UNC5D: variants seen among roughly 807,000 people sequenced by gnomAD.
UNC5D encodes the protein unc-5 netrin receptor D.
Under a neutral mutation model 105.4 loss-of-function variants are expected in UNC5D, and 39 were observed. The observed-to-expected ratio is 0.37, with a 90% CI of 0.29 to 0.48. The LOEUF is 0.48. Ranked by LOEUF, UNC5D falls within the 20% of genes least tolerant of loss-of-function variation. The pLI, the probability that UNC5D is intolerant of heterozygous loss-of-function variation, is 0.98. For synonymous variants in UNC5D, 452 were observed against 450.4 expected, an observed-to-expected ratio of 1.00 and a Z score of -0.04; for missense variants, 991 against 1,202.4, an observed-to-expected ratio of 0.82 and a Z score of 2.60.
At chr8:35,761,808 A>G (rs1173133398) in intron 14 of UNC5D, among the ~76,000 whole-genome samples, 1 of 151,980 alleles carries the variant, frequency 6.6e-6, no homozygotes, top group Non-Finnish European at 1.5e-5. Context: ...TGGCTTAATG[A>G]CCATGCTGTG....
chr8:35,488,007 C>T (rs1810947196), intron 1 of UNC5D, among the ~76,000 whole-genome samples: 1 of 152,126 alleles, frequency 6.6e-6, no homozygotes, highest in Admixed American at 6.6e-5. Context: ...TCTGGTTTCT[C>T]CTTACTGCTT....
chr8:35,643,897 A>C (rs1822900078), intron 4 of UNC5D, among the ~76,000 whole-genome samples: 1 of 152,162 alleles, frequency 6.6e-6, no homozygotes, highest in Non-Finnish European at 1.5e-5. Flanking sequence ...CATCAGTCTC[A>C]GGGCCTGAGA....
chr8:35,405,098 T>C (rs1804719485), intron 1 of UNC5D, among the ~76,000 whole-genome samples: 1 of 152,190 alleles, frequency 6.6e-6, no homozygotes, highest in African/African-American at 2.4e-5. Context: ...AAACAATATG[T>C]GAGCAAAGAG....
chr8:35,656,443 A>G (rs192457696), intron 4 of UNC5D, among the ~76,000 whole-genome samples: 1 of 152,304 alleles, frequency 6.6e-6, no homozygotes, highest in East Asian at 1.9e-4. Context: ...CAAACACTTG[A>G]ATTCTGTAGA....
intron 1 of UNC5D, among the ~76,000 whole-genome samples, chr8:35,475,723 T>G (rs1810041998): frequency 6.6e-6 from 1 of 152,184 alleles, no homozygotes; most frequent in Non-Finnish European, 1.5e-5. Context: ...GGATCCAAAT[T>G]TTTTGTTTTG....
intron 2 of UNC5D, among the ~76,000 whole-genome samples, chr8:35,560,409 G>A (rs1011022438): frequency 1.3e-5 from 2 of 152,152 alleles, no homozygotes; most frequent in Non-Finnish European, 2.9e-5. Context: ...TCACGTATAT[G>A]TATGCATATA....
At chr8:35,378,269 A>G (rs926679043) in intron 1 of UNC5D, among the ~76,000 whole-genome samples, 3 of 152,148 alleles carry the variant, frequency 2.0e-5, no homozygotes, top group African/African-American at 7.2e-5. Flanking sequence ...TTCTGCTAAA[A>G]CAGAAAATTT....
At chr8:35,600,715 G>C (rs1237734034) in intron 4 of UNC5D, among the ~76,000 whole-genome samples, 1 of 152,152 alleles carries the variant, frequency 6.6e-6, no homozygotes, top group African/African-American at 2.4e-5. Flanking sequence ...TGTCAGATGA[G>C]TAGGTTGCAA....
At chr8:35,719,409 G>A (rs1211468957) in intron 8 of UNC5D, among the ~76,000 whole-genome samples, 1 of 152,168 alleles carries the variant, frequency 6.6e-6, no homozygotes, top group African/African-American at 2.4e-5. Flanking sequence ...CAACCAGGTA[G>A]ATCGAAGAGA....
chr8:35,500,945 TAGG>T (rs34532946), intron 1 of UNC5D, among the ~76,000 whole-genome samples: 24,531 of 150,292 alleles, frequency 0.16, 2,731 homozygotes, highest in African/African-American at 0.29. Context: ...TCAAAGGAAA[TAGG>T]AGGAAAGTAG....
At chr8:35,297,181 C>T (rs1271457561) in intron 1 of UNC5D, among the ~76,000 whole-genome samples, 3 of 152,010 alleles carry the variant, frequency 2.0e-5, no homozygotes, top group Non-Finnish European at 4.4e-5. Context: ...TTTTTCCTGA[C>T]ACCTCCCTCA....
intron 1 of UNC5D, among the ~76,000 whole-genome samples, chr8:35,276,472 G>A (rs1301643034): frequency 6.6e-6 from 1 of 152,206 alleles, no homozygotes; most frequent in Non-Finnish European, 1.5e-5. Flanking sequence ...GCATTTGTCA[G>A]TGTACTTCAG....
intron 4 of UNC5D, among the ~76,000 whole-genome samples, chr8:35,666,280 A>G (rs1361693196): frequency 6.6e-6 from 1 of 152,172 alleles, no homozygotes; most frequent in South Asian, 2.1e-4. Flanking sequence ...TCAAATAACA[A>G]TGAAGGATCG....
intron 8 of UNC5D, 98 bp downstream of exon 8, chr8:35,706,059 A>G: frequency 1.2e-6 from 1 of 821,510 alleles, no homozygotes; most frequent in Non-Finnish European, 1.8e-6. Flanking sequence ...AGTTCCTATG[A>G]AAGATCCAGG....
chr8:35,359,696 C>A (rs1413507489), intron 1 of UNC5D, among the ~76,000 whole-genome samples: 2 of 152,140 alleles, frequency 1.3e-5, no homozygotes, highest in Non-Finnish European at 2.9e-5. Flanking sequence ...GTAGTTTATT[C>A]AAACTAAATT....
intron 3 of UNC5D, among the ~76,000 whole-genome samples, chr8:35,569,428 A>G (rs903107476): frequency 2.0e-5 from 3 of 152,214 alleles, no homozygotes; most frequent in Admixed American, 1.3e-4. Context: ...GAGATTAATA[A>G]TAGGAGTGAA....
At chr8:35,397,725 T>A (rs938494757) in intron 1 of UNC5D, among the ~76,000 whole-genome samples, 1 of 152,164 alleles carries the variant, frequency 6.6e-6, no homozygotes. Context: ...TTCAAGCCAC[T>A]CTCGTTTGTA....
intron 3 of UNC5D, among the ~76,000 whole-genome samples, chr8:35,588,466 T>A (rs1818942982): frequency 6.6e-6 from 1 of 152,204 alleles, no homozygotes; most frequent in Non-Finnish European, 1.5e-5. Flanking sequence ...GATATTACTC[T>A]CTGAGAAACT....
chr8:35,252,979 A>C (rs1803814353), intron 1 of UNC5D, among the ~76,000 whole-genome samples: 1 of 152,148 alleles, frequency 6.6e-6, no homozygotes, highest in African/African-American at 2.4e-5. Flanking sequence ...AATAAAGTTA[A>C]AAATCTTTTC....
Sources: allele counts gnomAD v4.1 joint callset (sites outside exome capture counted in the v4.1 genomes callset), GRCh38; gene constraint gnomAD v4.1.1; transcripts MANE v1.5; gene names NCBI Gene and HGNC (gene_info 2026-07-23, HGNC 2026-07-21).